The following TMC1 variants were observed in gnomAD, a reference collection of about 807,000 sequenced individuals.
TMC1 encodes transmembrane channel like 1.
A neutral mutation model predicts 105.8 loss-of-function variants in TMC1; 84 were observed. That is an observed-to-expected ratio of 0.79 (90% confidence interval 0.67 to 0.95). TMC1 has a LOEUF of 0.95. Ranked by LOEUF, TMC1 falls within the 40% of genes least tolerant of loss-of-function variation. TMC1 has a pLI of 0.00. For missense variants in TMC1, 817 were observed against 914.1 expected (o/e 0.89, Z 1.37); for synonymous variants, 315 against 311.5 (o/e 1.01, Z -0.12).
At chr9:72,625,610 C>A (rs1367607449) in intron 3 of TMC1, among the ~76,000 whole-genome samples, 2 of 151,572 alleles carry the variant, frequency 1.3e-5, no homozygotes, top group Non-Finnish European at 2.9e-5. Context: ...ATGGCGTGAA[C>A]CCAGGAGGCG....
chr9:72,650,357 C>T (rs1192420480), intron 5 of TMC1, among the ~76,000 whole-genome samples: 1 of 152,120 alleles, frequency 6.6e-6, no homozygotes, highest in African/African-American at 2.4e-5. Context: ...ACAATAGCTC[C>T]ATTATTGAGT....
At chr9:72,618,327 G>C (rs980108027) in intron 3 of TMC1, among the ~76,000 whole-genome samples, 5 of 151,848 alleles carry the variant, frequency 3.3e-5, no homozygotes, top group Non-Finnish European at 5.9e-5. Flanking sequence ...CTGCCTGTCT[G>C]GATCTCTTTT....
intron 1 of TMC1, among the ~76,000 whole-genome samples, chr9:72,562,295 C>T: frequency 6.6e-6 from 1 of 152,146 alleles, no homozygotes; most frequent in East Asian, 1.9e-4. Flanking sequence ...TCATTCTTTT[C>T]AAGTTCCTTT....
intron 1 of TMC1, among the ~76,000 whole-genome samples, chr9:72,547,344 A>C (rs1462879364): frequency 1.3e-5 from 2 of 148,546 alleles, no homozygotes; most frequent in Non-Finnish European, 3.0e-5. Flanking sequence ...AGTTCCCCTC[A>C]ACCCCCCTAA....
chr9:72,611,063 G>T (rs1825016440), intron 2 of TMC1, among the ~76,000 whole-genome samples: 2 of 152,190 alleles, frequency 1.3e-5, no homozygotes, highest in Admixed American at 6.5e-5. Context: ...GAAGATTTTG[G>T]ATGGGAACAA....
At chr9:72,706,481 A>G (rs1346498362) in intron 8 of TMC1, among the ~76,000 whole-genome samples, 2 of 152,096 alleles carry the variant, frequency 1.3e-5, no homozygotes, top group Non-Finnish European at 2.9e-5. Context: ...TACATGAGTA[A>G]GTTCTTCTGT....
intron 8 of TMC1, among the ~76,000 whole-genome samples, chr9:72,719,186 C>A (rs558111300): frequency 6.6e-6 from 1 of 152,302 alleles, no homozygotes; most frequent in South Asian, 2.1e-4. Flanking sequence ...GATTCACATC[C>A]TCCCCCAAGT....
At chr9:72,607,002 T>TAGAGAGAGAGAGAGAGAGAGAGAGAG (rs57741839) in intron 2 of TMC1, among the ~76,000 whole-genome samples, 4 of 134,906 alleles carry the variant, frequency 3.0e-5, no homozygotes, top group East Asian at 2.1e-4. Flanking sequence ...TATATATATA[T>TAGAGAGAGAGAGAGAGAGAGAGAGAG]AGAGAGAGAG....
chr9:72,641,963 G>A (rs920701913), intron 4 of TMC1, among the ~76,000 whole-genome samples: 20 of 151,702 alleles, frequency 1.3e-4, no homozygotes, highest in African/African-American at 4.6e-4. Context: ...GATTACAGGC[G>A]TGAGCCACCA....
chr9:72,726,136 T>G (rs1371650742), intron 8 of TMC1, among the ~76,000 whole-genome samples: 5 of 152,220 alleles, frequency 3.3e-5, no homozygotes, highest in Non-Finnish European at 7.3e-5. Flanking sequence ...GGGAATAGTT[T>G]TACATTTCAA....
chr9:72,644,039 C>G (rs763910243), intron 4 of TMC1, among the ~76,000 whole-genome samples: 4 of 151,988 alleles, frequency 2.6e-5, no homozygotes, highest in African/African-American at 9.7e-5. Flanking sequence ...TATGTTGTGT[C>G]TTTACTTTTG....
intron 2 of TMC1, among the ~76,000 whole-genome samples, chr9:72,594,891 C>T (rs1440605054): frequency 1.3e-5 from 2 of 149,868 alleles, no homozygotes; most frequent in African/African-American, 4.9e-5. Context: ...TTTGAGACAG[C>T]GTCTCACTCT....
chr9:72,644,795 A>G (rs1251761705), intron 4 of TMC1, among the ~76,000 whole-genome samples: 2 of 152,186 alleles, frequency 1.3e-5, no homozygotes, highest in African/African-American at 4.8e-5. Context: ...GGAATTTTAA[A>G]ATTTTCAAAA....
intron 13 of TMC1, among the ~76,000 whole-genome samples, chr9:72,780,716 G>C (rs1828082751): frequency 6.6e-6 from 1 of 152,044 alleles, no homozygotes. Flanking sequence ...ATCAAAAAGG[G>C]ACAAAGAAGA....
At chr9:72,779,179 C>T (rs1380921996) in intron 13 of TMC1, among the ~76,000 whole-genome samples, 1 of 152,236 alleles carries the variant, frequency 6.6e-6, no homozygotes, top group East Asian at 1.9e-4. Flanking sequence ...GAGTGCTGAG[C>T]TGAGCCCAGG....
intron 1 of TMC1, among the ~76,000 whole-genome samples, chr9:72,562,645 A>G (rs1824077536): frequency 6.6e-6 from 1 of 152,232 alleles, no homozygotes; most frequent in South Asian, 2.1e-4. Flanking sequence ...AGAGTTCCCT[A>G]GTTATCCCAT....
At chr9:72,737,949 GAAGA>G (rs1211347711) in intron 8 of TMC1, among the ~76,000 whole-genome samples, 1 of 152,190 alleles carries the variant, frequency 6.6e-6, no homozygotes, top group East Asian at 1.9e-4. Flanking sequence ...GAGTTTCAGA[GAAGA>G]TTAATGATAA....
rs187260621 is a variant in TMC1, at chr9:72,763,239, A to G, written c.741+8355A>G. On this transcript the variant is annotated intron_variant, in intron 12 of 23. Transcript: ENST00000297784. ...GCTATACTTACAATATGAAAACAGC[A>G]TTCCTTCTTTGGAAGTGACCATAGA... Among the ~76,000 whole-genome samples, 14 of 152,298 alleles carry G rather than the reference A, an allele frequency of 9.2e-5. No homozygotes were observed. The East Asian group carries it at 1.5e-3, about 17-fold the overall frequency.
intron 1 of TMC1, among the ~76,000 whole-genome samples, chr9:72,552,463 G>A (rs1434760745): frequency 1.3e-5 from 2 of 152,170 alleles, no homozygotes; most frequent in Non-Finnish European, 2.9e-5. Context: ...GCTGCTTATT[G>A]CCTGAAGTGG....
Sources: allele counts gnomAD v4.1 joint callset (sites outside exome capture counted in the v4.1 genomes callset), GRCh38; gene constraint gnomAD v4.1.1; transcripts MANE v1.5; gene names NCBI Gene and HGNC (gene_info 2026-07-23, HGNC 2026-07-21).